SLC71A2: variants seen among roughly 807,000 people sequenced by gnomAD.
SLC71A2 encodes solute carrier family 71 member 2, also known as hippocampus abundant transcript-like 1.
At chr9:94,447,298 G>C in the SLC71A2 span, among the ~76,000 whole-genome samples, 1 of 151,668 alleles carries the variant, frequency 6.6e-6, no homozygotes, top group Admixed American at 6.6e-5. Context: ...TCCTGTCTCA[G>C]CCTCCCGAGT....
the SLC71A2 span, among the ~76,000 whole-genome samples, chr9:94,455,369 A>T: frequency 0.071 from 8,746 of 123,234 alleles, 469 homozygotes; most frequent in Middle Eastern, 0.15. Context: ...ATGCCTGGCT[A>T]ATATTCTGAT....
the SLC71A2 span, among the ~76,000 whole-genome samples, chr9:94,435,308 A>C: frequency 6.6e-6 from 1 of 152,166 alleles, no homozygotes; most frequent in Non-Finnish European, 1.5e-5. Flanking sequence ...CACATCTACT[A>C]TCCACCTACA....
At chr9:94,383,157 A>C in the SLC71A2 span, among the ~76,000 whole-genome samples, 1 of 119,966 alleles carries the variant, frequency 8.3e-6, no homozygotes, top group Admixed American at 8.6e-5. Flanking sequence ...AATAGCTTTT[A>C]CATCTTTTTT....
the SLC71A2 span, chr9:94,458,547 T>G: frequency 7.6e-7 from 1 of 1,318,838 alleles, no homozygotes; most frequent in Non-Finnish European, 1.1e-6. Flanking sequence ...TTGGAGAGCA[T>G]TCTTTCTTGT....
At chr9:94,387,968 G>A in the SLC71A2 span, among the ~76,000 whole-genome samples, 40 of 152,278 alleles carry the variant, frequency 2.6e-4, no homozygotes, top group Admixed American at 5.9e-4. Context: ...TTTAAAAATA[G>A]CAAAAGTATG....
the SLC71A2 span, among the ~76,000 whole-genome samples, chr9:94,432,369 G>A: frequency 6.6e-6 from 1 of 151,152 alleles, no homozygotes; most frequent in Non-Finnish European, 1.5e-5. Flanking sequence ...TTGTGGTGGT[G>A]CATGCCTGTA....
At chr9:94,388,080 T>G in the SLC71A2 span, among the ~76,000 whole-genome samples, 16 of 152,206 alleles carry the variant, frequency 1.1e-4, no homozygotes, top group Non-Finnish European at 2.1e-4. Flanking sequence ...CTTTATACTG[T>G]GATGCAGTAG....
chr9:94,455,689 A>C, the SLC71A2 span, among the ~76,000 whole-genome samples: 2 of 152,112 alleles, frequency 1.3e-5, no homozygotes, highest in Non-Finnish European at 2.9e-5. Context: ...TTGGGGCCTC[A>C]CTTTACTCAC....
At chr9:94,439,784 T>C in the SLC71A2 span, among the ~76,000 whole-genome samples, 8 of 152,118 alleles carry the variant, frequency 5.3e-5, no homozygotes, top group African/African-American at 1.9e-4. Context: ...TATACATTTC[T>C]TAAGTTTTGT....
the SLC71A2 span, among the ~76,000 whole-genome samples, chr9:94,386,991 A>G: frequency 6.6e-6 from 1 of 152,112 alleles, no homozygotes; most frequent in Non-Finnish European, 1.5e-5. Context: ...CTCTGGCTTA[A>G]AAGTTTCCTC....
At chr9:94,381,282 C>T in the SLC71A2 span, among the ~76,000 whole-genome samples, 5 of 150,834 alleles carry the variant, frequency 3.3e-5, no homozygotes, top group Non-Finnish European at 7.4e-5. Flanking sequence ...ACCATCCGCC[C>T]GCCTCGGCCT....
At chr9:94,412,070 A>G in the SLC71A2 span, among the ~76,000 whole-genome samples, 1 of 152,086 alleles carries the variant, frequency 6.6e-6, no homozygotes, top group Non-Finnish European at 1.5e-5. Context: ...GTTTCTTTTC[A>G]GTTGCTTCAT....
At chr9:94,434,726 TATA>T in the SLC71A2 span, among the ~76,000 whole-genome samples, 1 of 152,222 alleles carries the variant, frequency 6.6e-6, no homozygotes. Flanking sequence ...GCCATTCACT[TATA>T]ATAACTCTAA....
chr9:94,395,865 T>C, the SLC71A2 span, among the ~76,000 whole-genome samples: 17 of 152,236 alleles, frequency 1.1e-4, no homozygotes, highest in East Asian at 3.9e-4. Flanking sequence ...TAATGAAACA[T>C]GAACAAAACT....
the SLC71A2 span, among the ~76,000 whole-genome samples, chr9:94,443,978 T>C: frequency 1.3e-5 from 2 of 152,234 alleles, no homozygotes; most frequent in South Asian, 4.1e-4. Context: ...AATACTTGAG[T>C]TTTAGCTTTT....
the SLC71A2 span, among the ~76,000 whole-genome samples, chr9:94,456,688 AACC>A: frequency 2.6e-5 from 4 of 152,348 alleles, no homozygotes; most frequent in Non-Finnish European, 5.9e-5. Flanking sequence ...AAAACCAGTT[AACC>A]ACGAGTTACT....
the SLC71A2 span, among the ~76,000 whole-genome samples, chr9:94,431,249 G>A: frequency 2.0e-5 from 3 of 151,652 alleles, no homozygotes; most frequent in African/African-American, 7.3e-5. Flanking sequence ...GGAGATGGAG[G>A]TTGCAGTGAG....
chr9:94,407,985 A>G, the SLC71A2 span, among the ~76,000 whole-genome samples: 3 of 152,176 alleles, frequency 2.0e-5, no homozygotes, highest in Non-Finnish European at 4.4e-5. Context: ...GATGGACTGC[A>G]GTATCACAGT....
the SLC71A2 span, among the ~76,000 whole-genome samples, chr9:94,387,246 G>A: frequency 6.6e-6 from 1 of 151,998 alleles, no homozygotes; most frequent in Non-Finnish European, 1.5e-5. Flanking sequence ...TGCTTGCCAC[G>A]TCCCTTTCTG....
Sources: allele counts gnomAD v4.1 joint callset (sites outside exome capture counted in the v4.1 genomes callset), GRCh38; gene constraint gnomAD v4.1.1; transcripts MANE v1.5; gene names NCBI Gene and HGNC (gene_info 2026-07-23, HGNC 2026-07-21).